GPC5: variants seen among roughly 807,000 people sequenced by gnomAD.
GPC5 encodes glypican 5.
A neutral mutation model predicts 53.9 loss-of-function variants in GPC5; 47 were observed. That is an observed-to-expected ratio of 0.87 (90% CI 0.69 to 1.11). GPC5 has a LOEUF of 1.11. Among genes scored for constraint, GPC5 ranks in the 50% most tolerant of loss-of-function variants. GPC5 has a pLI of 0.00. For synonymous variants in GPC5, 286 were observed against 263.3 expected (o/e 1.09, Z -0.84); for missense variants, 748 against 713.1 (o/e 1.05, Z -0.56).
chr13:91,402,547 T>A (rs1484206836), intron 1 of GPC5, among the ~76,000 whole-genome samples: 2 of 152,234 alleles, frequency 1.3e-5, no homozygotes, highest in Non-Finnish European at 2.9e-5. Context: ...CACTTGTAGT[T>A]CTGCTTCATA....
At chr13:92,753,673 C>T (rs995963727) in intron 7 of GPC5, among the ~76,000 whole-genome samples, 9 of 151,604 alleles carry the variant, frequency 5.9e-5, no homozygotes, top group Non-Finnish European at 1.2e-4. Context: ...TCGAGAACTA[C>T]GTGAAGAATG....
chr13:92,365,230 C>T (rs909355815), intron 7 of GPC5, among the ~76,000 whole-genome samples: 6 of 151,504 alleles, frequency 4.0e-5, no homozygotes, highest in Admixed American at 3.9e-4. Flanking sequence ...CTGCATAGTA[C>T]GTTATTGTAC....
At chr13:91,561,437 C>A (rs999580694) in intron 2 of GPC5, among the ~76,000 whole-genome samples, 3 of 152,044 alleles carry the variant, frequency 2.0e-5, no homozygotes, top group Admixed American at 6.6e-5. Context: ...TTCTATCACA[C>A]CTCATTTAAT....
chr13:91,889,957 A>G (rs886369877), intron 5 of GPC5, among the ~76,000 whole-genome samples: 1 of 152,226 alleles, frequency 6.6e-6, no homozygotes, highest in Non-Finnish European at 1.5e-5. Flanking sequence ...AAATTCTCTA[A>G]TAGAACACTG....
intron 7 of GPC5, among the ~76,000 whole-genome samples, chr13:92,739,176 GT>G (rs1889021797): frequency 6.6e-6 from 1 of 151,968 alleles, no homozygotes; most frequent in Non-Finnish European, 1.5e-5. Flanking sequence ...GTCTCTATAT[GT>G]TTTTAGCAAG....
chr13:91,994,339 T>G (rs1380235704), intron 6 of GPC5, among the ~76,000 whole-genome samples: 1 of 152,228 alleles, frequency 6.6e-6, no homozygotes, highest in Non-Finnish European at 1.5e-5. Context: ...CTGCATCATC[T>G]AAGCTACAAA....
intron 5 of GPC5, among the ~76,000 whole-genome samples, chr13:91,836,587 T>C (rs1229604278): frequency 6.6e-6 from 1 of 152,090 alleles, no homozygotes; most frequent in Non-Finnish European, 1.5e-5. Context: ...TAATCATGAA[T>C]TTATTTCATA....
At position 91,440,177 on chromosome 13, in the gene GPC5, C is replaced by T. The variant is rs374644794; in HGVS notation, c.164-8584C>T. ...GTAATTTTTTCATGGACTATTTTAC[C>T]AGCCCTGTTTTCTCTCTTCTTGCCT... On this transcript the variant is annotated intron_variant, in intron 1 of 7. Coordinates refer to ENST00000377067, the MANE Select transcript of GPC5 (RefSeq NM_004466.6). 2.2e-4 allele frequency among the ~76,000 whole-genome samples: 33 copies of T among 152,172 alleles called. No homozygotes were observed. The East Asian group carries it at 6.2e-3, about 29-fold the overall frequency.
At chr13:92,057,711 C>T (rs1217935880) in intron 6 of GPC5, among the ~76,000 whole-genome samples, 1 of 152,014 alleles carries the variant, frequency 6.6e-6, no homozygotes, top group Non-Finnish European at 1.5e-5. Context: ...TAACATGGAT[C>T]CAGAATGATG....
At chr13:92,260,170 C>T (rs7323050) in intron 7 of GPC5, among the ~76,000 whole-genome samples, 97,736 of 152,022 alleles carry the variant, frequency 0.64, 32,167 homozygotes, top group African/African-American at 0.79. Context: ...AAGATAAGTC[C>T]TGGCCACTCT....
chr13:91,906,996 T>A (rs1183729783), intron 5 of GPC5, among the ~76,000 whole-genome samples: 1 of 149,852 alleles, frequency 6.7e-6, no homozygotes, highest in Non-Finnish European at 1.5e-5. Context: ...ATATTTTATA[T>A]ATATATATAT....
At chr13:92,707,913 G>A (rs1007184563) in intron 7 of GPC5, among the ~76,000 whole-genome samples, 4 of 152,050 alleles carry the variant, frequency 2.6e-5, no homozygotes, top group Non-Finnish European at 4.4e-5. Context: ...GCAAAGAAAT[G>A]ACAATCAGAT....
At chr13:92,362,507 C>T (rs1210891798) in intron 7 of GPC5, among the ~76,000 whole-genome samples, 7 of 151,662 alleles carry the variant, frequency 4.6e-5, no homozygotes, top group South Asian at 2.1e-4. Flanking sequence ...TGTTCTATGA[C>T]GAAAGAAATT....
chr13:91,991,619 G>T (rs2040457315), intron 6 of GPC5, among the ~76,000 whole-genome samples: 1 of 151,960 alleles, frequency 6.6e-6, no homozygotes, highest in Admixed American at 6.6e-5. Context: ...TAAACATCAA[G>T]TTGTAGAACT....
intron 7 of GPC5, among the ~76,000 whole-genome samples, chr13:92,424,233 A>T (rs963813772): frequency 2.6e-5 from 4 of 152,154 alleles, no homozygotes; most frequent in African/African-American, 9.7e-5. Flanking sequence ...CTCAAAAGTA[A>T]TCAAAACATT....
At chr13:91,572,657 G>A (rs540788192) in intron 2 of GPC5, among the ~76,000 whole-genome samples, 3 of 152,120 alleles carry the variant, frequency 2.0e-5, no homozygotes, top group African/African-American at 7.2e-5. Flanking sequence ...AGCTATTCAC[G>A]AGGGATCTGC....
chr13:92,750,293 T>G (rs1472075300), intron 7 of GPC5, among the ~76,000 whole-genome samples: 2 of 152,182 alleles, frequency 1.3e-5, no homozygotes, highest in Non-Finnish European at 2.9e-5. Flanking sequence ...GTGATGATAC[T>G]CTACAGAAAT....
intron 2 of GPC5, among the ~76,000 whole-genome samples, chr13:91,483,187 C>G (rs1383032857): frequency 6.6e-6 from 1 of 152,122 alleles, no homozygotes; most frequent in Non-Finnish European, 1.5e-5. Flanking sequence ...AGGAAGGCAT[C>G]ATAGTAGAGC....
chr13:91,527,610 G>A (rs988322084), intron 2 of GPC5, among the ~76,000 whole-genome samples: 1 of 152,214 alleles, frequency 6.6e-6, no homozygotes, highest in African/African-American at 2.4e-5. Flanking sequence ...GCTCCACTAA[G>A]CAGTACCCCA....
Sources: gnomAD v4.1 joint callset for allele counts (sites outside exome capture counted in the v4.1 genomes callset) on GRCh38, gnomAD v4.1.1 for gene constraint, MANE v1.5 for transcripts, NCBI Gene and HGNC (gene_info 2026-07-23, HGNC 2026-07-21) for gene names.